Variants in HPGDS observed in about 807,000 individuals in gnomAD.
The protein encoded by HPGDS is GST class-sigma.
HPGDS carries 26 observed loss-of-function variants against 23.1 expected under a neutral mutation model. The ratio of observed to expected loss-of-function variants is 1.13; its 90% CI spans 0.83 to 1.56. HPGDS has a LOEUF of 1.56. HPGDS is among the 40% of genes most tolerant of loss of function. The pLI, the probability that HPGDS is intolerant of heterozygous loss-of-function variation, is 0.00. For synonymous variants in HPGDS, 95 were observed against 77.9 expected, an observed-to-expected ratio of 1.22 and a Z score of -1.16; for missense variants, 268 against 236.4, an observed-to-expected ratio of 1.13 and a Z score of -0.88.
chr4:94,310,355 C>T (rs1344626616), intron 3 of HPGDS, among the ~76,000 whole-genome samples: 1 of 152,160 alleles, frequency 6.6e-6, no homozygotes, highest in Non-Finnish European at 1.5e-5. Context: ...ATATGGCTAG[C>T]CAGTTTTCCC....
intron 2 of HPGDS, among the ~76,000 whole-genome samples, chr4:94,320,614 A>T (rs775124255): frequency 7.3e-5 from 11 of 151,392 alleles, no homozygotes; most frequent in Non-Finnish European, 1.3e-4. Flanking sequence ...GGGTTGTTTG[A>T]TTTTTTCTTG....
At chr4:94,320,495 C>T (rs1756481271) in intron 2 of HPGDS, among the ~76,000 whole-genome samples, 2 of 152,168 alleles carry the variant, frequency 1.3e-5, no homozygotes, top group Admixed American at 1.3e-4. Context: ...TTTTGATTTG[C>T]ATTTCTGTGA....
At chr4:94,324,493 T>C (rs1324268014) in intron 2 of HPGDS, among the ~76,000 whole-genome samples, 1 of 152,218 alleles carries the variant, frequency 6.6e-6, no homozygotes, top group Non-Finnish European at 1.5e-5. Context: ...CTCTTCTCAC[T>C]TCATTTCATT....
intron 2 of HPGDS, among the ~76,000 whole-genome samples, chr4:94,326,039 T>G (rs1257702416): frequency 2.6e-5 from 4 of 152,080 alleles, no homozygotes; most frequent in Non-Finnish European, 5.9e-5. Flanking sequence ...CTCTAAAATT[T>G]CTGCTGAGAA....
At chr4:94,314,465 A>G (rs1252495958) in intron 3 of HPGDS, among the ~76,000 whole-genome samples, 1 of 152,156 alleles carries the variant, frequency 6.6e-6, no homozygotes, top group African/African-American at 2.4e-5. Context: ...ATATTGGTGA[A>G]CCGCAAATGT....
chr4:94,301,649 T>C (rs1051720176), intron 5 of HPGDS, among the ~76,000 whole-genome samples: 6 of 152,156 alleles, frequency 3.9e-5, no homozygotes, highest in South Asian at 2.1e-4. Flanking sequence ...ATCAACACAA[T>C]TTATTTTTGT....
At chr4:94,336,166 A>C (rs184068031) in intron 1 of HPGDS, among the ~76,000 whole-genome samples, 222 of 151,012 alleles carry the variant, frequency 1.5e-3, no homozygotes, top group African/African-American at 5.1e-3. Context: ...AGATCACGCC[A>C]CTGCACTCCA....
chr4:94,309,699 C>T (rs1292732620), intron 3 of HPGDS, among the ~76,000 whole-genome samples: 6 of 151,800 alleles, frequency 4.0e-5, no homozygotes, highest in South Asian at 4.2e-4. Flanking sequence ...CCTGAGGAAT[C>T]ACCACACTGA....
intron 3 of HPGDS, among the ~76,000 whole-genome samples, chr4:94,310,744 A>G (rs1443471328): frequency 2.6e-5 from 4 of 152,096 alleles, no homozygotes; most frequent in Admixed American, 1.3e-4. Context: ...CCATTTTCAC[A>G]ACATTGATTC....
In HPGDS at chr4:94,299,236, G is replaced by T. The variant is rs1048147760; in HGVS notation, c.*244C>A. ...CATGTTAGAACCTGTGCAAAGCAAG[G>T]TCTGCCTGTATTACATACTATTTTT... On this transcript the variant is annotated 3_prime_UTR_variant, in exon 6 of 6. Transcript: ENST00000295256. The T allele has an allele frequency of 2.7e-5, 10 of 372,640 alleles. No homozygotes were observed. In the South Asian group the frequency reaches 4.5e-4, roughly 17 times the overall value. The allele number at this position is 372,640 out of a possible 1,614,324, so 23.1% of individuals were successfully genotyped here.
intron 4 of HPGDS, among the ~76,000 whole-genome samples, chr4:94,307,017 C>T (rs1052566252): frequency 4.6e-5 from 7 of 151,888 alleles, no homozygotes; most frequent in African/African-American, 1.7e-4. Flanking sequence ...TCTAAGGGCA[C>T]GTGTTTTGTA....
intron 1 of HPGDS, among the ~76,000 whole-genome samples, chr4:94,340,801 G>A (rs1263148111): frequency 3.4e-5 from 5 of 147,902 alleles, no homozygotes; most frequent in Non-Finnish European, 7.4e-5. Context: ...TGGGATTACA[G>A]GCACCAACCA....
intron 1 of HPGDS, among the ~76,000 whole-genome samples, 160 bp downstream of exon 1, chr4:94,342,635 G>A (rs111255770): frequency 0.015 from 2,244 of 152,248 alleles, 63 homozygotes; most frequent in African/African-American, 0.05. Context: ...CGCATATATG[G>A]AGAGGTTCTG....
At chr4:94,312,008 A>G (rs992185394) in intron 3 of HPGDS, among the ~76,000 whole-genome samples, 5 of 151,790 alleles carry the variant, frequency 3.3e-5, no homozygotes, top group African/African-American at 4.8e-5. Context: ...TTTTTATTGC[A>G]TCTATTTGAT....
rs758121796 is a variant in HPGDS, at chr4:94,317,943, G to A, written c.156C>T (p.Pro52=). The change falls in exon 3 of 6, where the codon CCC becomes CCT. Residue 52 remains proline (P), a synonymous_variant. Coordinates refer to ENST00000295256, the MANE Select transcript of HPGDS (RefSeq NM_014485.3). ...IKSTLPFGKI[P]ILEVDGLTLH... ...GAGTAAGTCCATCAACTTCCAAAAT[G>A]GGGATTTTTCCAAATGGGAGAGCTT... is the stretch of plus-strand genomic sequence containing the variant. 5.0e-6 allele frequency: 8 copies of A among 1,610,456 alleles called. No individual in the cohort carries two copies. Among genetic ancestry groups the A allele is most frequent in the Non-Finnish European group, 6.8e-6 (8 of 1,177,954 alleles).
intron 4 of HPGDS, among the ~76,000 whole-genome samples, chr4:94,302,619 T>C (rs1321806622): frequency 6.6e-6 from 1 of 152,136 alleles, no homozygotes; most frequent in East Asian, 1.9e-4. Context: ...TAAAGCTAAA[T>C]AATGTAACTG....
intron 3 of HPGDS, among the ~76,000 whole-genome samples, chr4:94,316,712 C>A (rs889162019): frequency 5.8e-4 from 89 of 152,338 alleles, no homozygotes; most frequent in African/African-American, 2.0e-3. Context: ...CCCAGAGATT[C>A]TCAAAGTGAG....
rs566491251 is a variant in HPGDS at position 94,333,554 on chromosome 4, CCTTT to C, written c.133+939_133+942del. ...GGTTTTGTGTAAATGAAATTTCTGT[CCTTT>C]CTAAGAAAATTTTACATTGCGTCTT... On this transcript the variant is annotated intron_variant, in intron 2 of 5. Transcript: ENST00000295256. 4.6e-5 allele frequency among the ~76,000 whole-genome samples: 7 copies of C among 152,312 alleles called. No homozygotes were observed. The South Asian group carries it at 6.2e-4, about 14-fold the overall frequency.
chr4:94,305,745 A>C (rs1396796279), intron 4 of HPGDS, among the ~76,000 whole-genome samples: 2 of 152,116 alleles, frequency 1.3e-5, no homozygotes, highest in Non-Finnish European at 1.5e-5. Context: ...AGTTGTTTAC[A>C]CTACATGAAA....
Sources: allele counts gnomAD v4.1 joint callset (sites outside exome capture counted in the v4.1 genomes callset), GRCh38; gene constraint gnomAD v4.1.1; transcripts MANE v1.5; gene names NCBI Gene and HGNC (gene_info 2026-07-23, HGNC 2026-07-21).